Variants in GABRG3 observed in about 807,000 individuals in gnomAD.
The protein encoded by GABRG3 is gamma-aminobutyric acid receptor subunit gamma-3.
GABRG3 carries 25 observed loss-of-function variants against 48.8 expected under a neutral mutation model. The observed-to-expected ratio is 0.51, with a 90% CI of 0.37 to 0.72. The LOEUF (loss-of-function observed/expected upper bound fraction) is 0.72. Ranked by LOEUF, GABRG3 falls within the 30% of genes least tolerant of loss-of-function variation. The probability of loss-of-function intolerance (pLI) is 0.00; values close to 1 mark genes in which losing one functional copy is unlikely to be tolerated. For synonymous variants in GABRG3, 227 were observed against 217.6 expected (o/e 1.04, Z -0.38); for missense variants, 394 against 577.9 (o/e 0.68, Z 3.26).
At chr15:27,016,599 T>C (rs1895783344) in intron 2 of GABRG3, among the ~76,000 whole-genome samples, 1 of 152,170 alleles carries the variant, frequency 6.6e-6, no homozygotes, top group African/African-American at 2.4e-5. Context: ...ATTTTTATTC[T>C]ACTTATGGTT....
intron 5 of GABRG3, among the ~76,000 whole-genome samples, chr15:27,396,090 T>C (rs1381181194): frequency 6.6e-6 from 1 of 152,134 alleles, no homozygotes; most frequent in Non-Finnish European, 1.5e-5. Flanking sequence ...CTCGAACCCC[T>C]GGCCCTCAAG....
chr15:27,360,151 C>T (rs749901862), intron 5 of GABRG3, among the ~76,000 whole-genome samples: 1 of 152,170 alleles, frequency 6.6e-6, no homozygotes, highest in Non-Finnish European at 1.5e-5. Context: ...GCAGTGACAT[C>T]CAGGCCCTGC....
At chr15:27,300,200 AAC>A (rs1190939073) in intron 3 of GABRG3, among the ~76,000 whole-genome samples, 3 of 152,290 alleles carry the variant, frequency 2.0e-5, no homozygotes, top group African/African-American at 7.2e-5. Flanking sequence ...ATTTAAGAAA[AAC>A]AGTCTTATGA....
intron 3 of GABRG3, among the ~76,000 whole-genome samples, chr15:27,216,761 T>TATTTAATTA (rs1373716909): frequency 2.0e-4 from 24 of 121,994 alleles, no homozygotes; most frequent in African/African-American, 6.3e-4. Context: ...TTTATTTATT[T>TATTTAATTA]ATTTATTTAT....
intron 6 of GABRG3, among the ~76,000 whole-genome samples, chr15:27,501,832 G>C (rs1339502153): frequency 6.6e-6 from 1 of 152,048 alleles, no homozygotes; most frequent in Non-Finnish European, 1.5e-5. Context: ...TACACCTCTG[G>C]TTTGTCATAT....
At position 27,168,752 on chromosome 15, in the gene GABRG3, A is replaced by C. The variant is rs113388024; in HGVS notation, c.270+141931A>C. On this transcript the variant is annotated intron_variant, in intron 3 of 9. Transcript: ENST00000615808. ...TCTGTGAACCAGGAAGTGGGCCCTC[A>C]CCAGACACCAAATCTGCTGGTATCT... is the stretch of plus-strand genomic sequence containing the variant. 7.4e-4 allele frequency among the ~76,000 whole-genome samples: 112 copies of C among 152,322 alleles called. 2 individuals are homozygous for C. The highest frequency in any genetic ancestry group is 2.6e-3 in the African/African-American group (108 of 41,570).
At position 26,975,891 on chromosome 15, in the gene GABRG3, C is replaced by T. The variant is rs888471484; in HGVS notation, c.54-1111C>T. 6.6e-6 allele frequency among the ~76,000 whole-genome samples: 1 copy of T among 152,174 alleles called. No homozygotes were observed. Among genetic ancestry groups the T allele is most frequent in the Non-Finnish European group, 1.5e-5 (1 of 68,042 alleles). On this transcript the variant is annotated intron_variant, in intron 1 of 9. Transcript: ENST00000615808. The surrounding 1 kb of genome is among the most constrained non-coding windows in gnomAD (Gnocchi z 4.6). Reference sequence around the variant, plus strand: ...AGAAAAAGTCACTAAAGCATCCACACTGACAAACTAGAAAGGAAAAGTTTG... The same window carrying T: ...AGAAAAAGTCACTAAAGCATCCACATTGACAAACTAGAAAGGAAAAGTTTG...
intron 3 of GABRG3, among the ~76,000 whole-genome samples, chr15:27,099,346 G>A (rs1307326921): frequency 1.3e-5 from 2 of 152,158 alleles, no homozygotes; most frequent in South Asian, 2.1e-4. Context: ...GAGGCTGGAA[G>A]TCCAAGATCA....
chr15:27,253,674 T>C (rs796901237), intron 3 of GABRG3, among the ~76,000 whole-genome samples: 14 of 152,348 alleles, frequency 9.2e-5, no homozygotes, highest in African/African-American at 3.1e-4. Flanking sequence ...CCCACAGCCC[T>C]TTCCCATTCC....
chr15:27,220,544 T>G (rs1478632077), intron 3 of GABRG3, among the ~76,000 whole-genome samples: 1 of 152,170 alleles, frequency 6.6e-6, no homozygotes, highest in Admixed American at 6.5e-5. Context: ...TTCAGTCCCG[T>G]TTCCCCCTTA....
rs1051057398 is a variant in GABRG3, at chr15:27,271,706, G to A, written c.271-55103G>A. ...GCAGGTGTGTGGTGGCTGGCACAGC[G>A]CCAGAGGGACCTCCTGCACCAAGAG... On this transcript the variant is annotated intron_variant, in intron 3 of 9. Transcript: ENST00000615808. 5.0e-5 allele frequency: 22 copies of A among 443,870 alleles called. No individual in the cohort carries two copies. In the East Asian group the frequency reaches 6.3e-4, roughly 13 times the overall value. 27.5% of individuals were successfully genotyped at this position (443,870 alleles called of 1,614,324 possible).
intron 3 of GABRG3, among the ~76,000 whole-genome samples, chr15:27,301,319 C>G (rs2140493099): frequency 6.6e-6 from 1 of 152,182 alleles, no homozygotes; most frequent in East Asian, 1.9e-4. Context: ...CATTTTGTTT[C>G]TAGGGTTTAT....
chr15:27,303,987 C>T (rs1159774125), intron 3 of GABRG3, among the ~76,000 whole-genome samples: 1 of 151,798 alleles, frequency 6.6e-6, no homozygotes, highest in Non-Finnish European at 1.5e-5. Context: ...AGAAGGAAAG[C>T]TGCGCGGTCA....
intron 3 of GABRG3, among the ~76,000 whole-genome samples, chr15:27,089,331 G>A (rs1313381542): frequency 6.6e-6 from 1 of 152,156 alleles, no homozygotes. Flanking sequence ...CCTGCTGCCT[G>A]CAGTCCCCAT....
chr15:27,039,721 A>T (rs2140696976), intron 3 of GABRG3, among the ~76,000 whole-genome samples: 1 of 152,306 alleles, frequency 6.6e-6, no homozygotes, highest in Non-Finnish European at 1.5e-5. Context: ...AGCATTCCCT[A>T]GTCTTTTATG....
At chr15:27,055,439 A>G (rs372042221) in intron 3 of GABRG3, among the ~76,000 whole-genome samples, 2 of 152,340 alleles carry the variant, frequency 1.3e-5, no homozygotes, top group African/African-American at 4.8e-5. Context: ...GGAGCATCCC[A>G]AATCTGAAAA....
At chr15:27,283,723 C>G (rs139137164) in intron 3 of GABRG3, among the ~76,000 whole-genome samples, 2,386 of 152,258 alleles carry the variant, frequency 0.016, 41 homozygotes, top group Admixed American at 0.044. Context: ...TACAGGCTTC[C>G]CCAGCACTCT....
chr15:27,232,593 T>C (rs1290462242), intron 3 of GABRG3, among the ~76,000 whole-genome samples: 2 of 152,170 alleles, frequency 1.3e-5, no homozygotes, highest in Non-Finnish European at 2.9e-5. Context: ...TGCCAGACCA[T>C]GTTCTGAGTG....
intron 3 of GABRG3, among the ~76,000 whole-genome samples, chr15:27,163,522 T>C (rs1351294956): frequency 2.0e-5 from 3 of 152,224 alleles, no homozygotes; most frequent in Admixed American, 2.0e-4. Flanking sequence ...TCTCTTGGGC[T>C]GTTACTAGGA....
Sources: allele counts gnomAD v4.1 joint callset (sites outside exome capture counted in the v4.1 genomes callset), GRCh38; gene constraint gnomAD v4.1.1; non-coding constraint Gnocchi (gnomAD v3.1); transcripts MANE v1.5; gene names NCBI Gene and HGNC (gene_info 2026-07-23, HGNC 2026-07-21).